PI4KA: variants seen among roughly 807,000 people sequenced by gnomAD.
PI4KA encodes PI4-kinase alpha.
Under a neutral mutation model 271.4 loss-of-function variants are expected in PI4KA, and 122 were observed. The observed-to-expected ratio is 0.45, with a 90% CI of 0.39 to 0.52. The LOEUF (loss-of-function observed/expected upper bound fraction) is 0.52, where lower values mean the gene tolerates loss of function less well. PI4KA is among the 20% of genes least tolerant of loss of function. PI4KA has a pLI of 0.00. For synonymous variants in PI4KA, 1,041 were observed against 1,078.8 expected, an observed-to-expected ratio of 0.96 and a Z score of 0.69; for missense variants, 1,969 against 2,769.1, an observed-to-expected ratio of 0.71 and a Z score of 6.48.
At chr22:20,779,585 C>G in intron 19 of PI4KA, 1 of 1,614,230 alleles carries the variant, frequency 6.2e-7, no homozygotes, top group South Asian at 1.1e-5. Flanking sequence ...AAGACGACGA[C>G]TACATCGACA....
At chr22:20,852,041 A>C (rs1249934344) in intron 1 of PI4KA, among the ~76,000 whole-genome samples, 1 of 152,076 alleles carries the variant, frequency 6.6e-6, no homozygotes, top group East Asian at 1.9e-4. Context: ...GGAGAATGGC[A>C]TGAACCCAGG....
chr22:20,751,213 G>T, intron 27 of PI4KA, 80 bp downstream of exon 27: 2 of 1,150,238 alleles, frequency 1.7e-6, no homozygotes, highest in Non-Finnish European at 2.6e-6. Flanking sequence ...GTGAGCTCAT[G>T]CAGGTTGACC....
intron 3 of PI4KA, among the ~76,000 whole-genome samples, chr22:20,830,986 T>G (rs769997591): frequency 6.6e-6 from 1 of 152,176 alleles, no homozygotes; most frequent in Non-Finnish European, 1.5e-5. Flanking sequence ...TTGGCCAGCC[T>G]GGTCTCAAAC....
At chr22:20,807,231 C>T in intron 10 of PI4KA, 131 bp downstream of exon 10, 2 of 616,690 alleles carry the variant, frequency 3.2e-6, no homozygotes, top group East Asian at 5.7e-5. Context: ...AGTAACATGA[C>T]CACTTTGCTC....
intron 7 of PI4KA, among the ~76,000 whole-genome samples, chr22:20,815,741 C>T (rs974754700): frequency 6.6e-6 from 1 of 152,036 alleles, no homozygotes; most frequent in South Asian, 2.1e-4. Flanking sequence ...GAGGGAGAAA[C>T]AGCCGGATTA....
Position 20,782,059 on chromosome 22 carries a change from A to T in PI4KA, c.2328+11134T>A, listed in dbSNP as rs546017949. Among the ~76,000 whole-genome samples the T allele has an allele frequency of 2.0e-5, 3 of 152,342 alleles. No individual in the cohort carries two copies. In the East Asian group the frequency reaches 5.8e-4, roughly 29 times the overall value. On this transcript the variant is annotated intron_variant, in intron 19 of 54. Transcript: ENST00000255882. ...TGTTAGTGACATTTATTTTACTTCT[A>T]CTAGCAAATAACCTATGTTTAGGAC... is the stretch of plus-strand genomic sequence containing the variant.
chr22:20,746,116 G>A (rs1291106368), intron 29 of PI4KA, among the ~76,000 whole-genome samples: 41 of 132,022 alleles, frequency 3.1e-4, no homozygotes, highest in African/African-American at 1.1e-3. Flanking sequence ...AGGCTGGAGT[G>A]CAGTGGCGGG....
chr22:20,850,795 C>G (rs1043456220), intron 1 of PI4KA, among the ~76,000 whole-genome samples: 1 of 152,062 alleles, frequency 6.6e-6, no homozygotes, highest in African/African-American at 2.4e-5. Flanking sequence ...AATCTCAGCA[C>G]TTTGAGAGGC....
In PI4KA at chr22:20,780,204, A is replaced by T. The variant is rs746312117; in HGVS notation, c.2328+12989T>A. On this transcript the variant is annotated intron_variant, in intron 19 of 54. Transcript: ENST00000255882. ...TCTCAACTGCATCTACTTCAAAGGT[A>T]AGAGGCACCTTTACAGTTCTCACAG... 4 of 1,614,112 alleles carry T rather than the reference A, an allele frequency of 2.5e-6. No homozygotes were observed. In the African/African-American group the frequency reaches 5.3e-5, roughly 22 times the overall value.
intron 2 of PI4KA, 127 bp from the exon 3 acceptor site, chr22:20,834,782 T>C: frequency 1.6e-6 from 1 of 635,546 alleles, no homozygotes; most frequent in Non-Finnish European, 2.8e-6. Context: ...TCTCCAGGGA[T>C]AATGTAAAGT....
intron 9 of PI4KA, among the ~76,000 whole-genome samples, chr22:20,808,097 C>A (rs1935771245): frequency 6.7e-6 from 1 of 150,070 alleles, no homozygotes; most frequent in Admixed American, 6.7e-5. Flanking sequence ...TTGAGACCAG[C>A]CTGACCAACA....
At chr22:20,812,573 G>C (rs931354187) in intron 8 of PI4KA, among the ~76,000 whole-genome samples, 30 of 151,920 alleles carry the variant, frequency 2.0e-4, no homozygotes, top group Middle Eastern at 3.2e-3. Context: ...AATTTTTTTT[G>C]AGATGGAGTC....
intron 36 of PI4KA, among the ~76,000 whole-genome samples, chr22:20,730,567 G>A (rs1927909265): frequency 6.9e-6 from 1 of 145,968 alleles, no homozygotes; most frequent in Non-Finnish European, 1.5e-5. Context: ...GAGCCACTGT[G>A]CCCAGCCTAT....
At position 20,796,306 on chromosome 22, in the gene PI4KA, G is replaced by C; in HGVS notation, c.2117C>G (p.Ser706Cys). The C allele has an allele frequency of 6.2e-7, 1 of 1,613,380 alleles. No homozygotes were observed. The highest frequency in any genetic ancestry group is 8.5e-7 in the Non-Finnish European group (1 of 1,179,656). ...GGCCAGGGCATTAATCACTGCCAGGGAGCAATGCCTGAAGAAGAAGGAGTG... is the reference window on the plus strand; with the variant it reads ...GGCCAGGGCATTAATCACTGCCAGGCAGCAATGCCTGAAGAAGAAGGAGTG... ...DYKDHGYRHC[S>C]LAVINALANI... The change falls in exon 18 of 55, where the codon TCC (serine) becomes TGC (cysteine). Residue 706 changes from serine to cysteine, a missense_variant. By Grantham distance (112) the Ser-to-Cys change is moderately radical (BLOSUM62 -1). Coordinates refer to ENST00000255882, the MANE Select transcript of PI4KA (RefSeq NM_058004.4).
chr22:20,815,328 C>G (rs1461727188), intron 7 of PI4KA, among the ~76,000 whole-genome samples: 6 of 145,494 alleles, frequency 4.1e-5, no homozygotes, highest in Non-Finnish European at 7.4e-5. Flanking sequence ...TTGCAGTGAG[C>G]CAAGATTGCA....
chr22:20,811,689 CATCCT>C (rs1216527709), intron 8 of PI4KA, among the ~76,000 whole-genome samples: 1 of 148,948 alleles, frequency 6.7e-6, no homozygotes, highest in Non-Finnish European at 1.5e-5. Flanking sequence ...TAATGATAAA[CATCCT>C]AGGAAAAGAA....
At chr22:20,742,461 T>G in intron 31 of PI4KA, 106 bp from the exon 32 acceptor site, 3 of 1,555,182 alleles carry the variant, frequency 1.9e-6, no homozygotes, top group Non-Finnish European at 2.6e-6. Context: ...TGATGGCCTT[T>G]TATTGACTTT....
chr22:20,731,275 T>C (rs1928015871), intron 36 of PI4KA, among the ~76,000 whole-genome samples: 1 of 152,250 alleles, frequency 6.6e-6, no homozygotes, highest in South Asian at 2.1e-4. Flanking sequence ...TATAGTCCTT[T>C]AGTACGGTGA....
intron 29 of PI4KA, among the ~76,000 whole-genome samples, chr22:20,745,492 G>T (rs147437413): frequency 6.6e-6 from 1 of 152,116 alleles, no homozygotes; most frequent in East Asian, 1.9e-4. Context: ...TTTTTGAGGG[G>T]ACATGGTGTG....
Sources: gnomAD v4.1 joint callset for allele counts (sites outside exome capture counted in the v4.1 genomes callset) on GRCh38, gnomAD v4.1.1 for gene constraint, MANE v1.5 for transcripts, NCBI Gene and HGNC (gene_info 2026-07-23, HGNC 2026-07-21) for gene names.